VIT: variants seen among roughly 807,000 people sequenced by gnomAD.
VIT encodes the protein vitrin.
Under a neutral mutation model 78.0 loss-of-function variants are expected in VIT, and 99 were observed. The ratio of observed to expected loss-of-function variants is 1.27; its 90% CI spans 1.08 to 1.50. The LOEUF is 1.50. VIT is among the 40% of genes most tolerant of loss of function. VIT has a pLI of 0.00. For missense variants in VIT, 1,126 were observed against 875.3 expected, an observed-to-expected ratio of 1.29 and a Z score of -3.61; for synonymous variants, 374 against 334.3, an observed-to-expected ratio of 1.12 and a Z score of -1.29.
chr2:36,803,629 C>T (rs1025126865), intron 13 of VIT, among the ~76,000 whole-genome samples: 3 of 152,198 alleles, frequency 2.0e-5, no homozygotes, highest in African/African-American at 7.2e-5. Flanking sequence ...GGGTTCTGTG[C>T]AGCCAGTTCA....
At chr2:36,718,254 A>G (rs1471642475) in intron 2 of VIT, among the ~76,000 whole-genome samples, 2 of 152,168 alleles carry the variant, frequency 1.3e-5, no homozygotes, top group African/African-American at 4.8e-5. Flanking sequence ...GAGAGTGCTT[A>G]AGGTCTGTTC....
At chr2:36,780,748 C>G (rs576432800) in intron 9 of VIT, among the ~76,000 whole-genome samples, 3 of 151,540 alleles carry the variant, frequency 2.0e-5, no homozygotes, top group East Asian at 2.0e-4. Flanking sequence ...AAGCTGATAG[C>G]CTTTAAGAAA....
intron 3 of VIT, among the ~76,000 whole-genome samples, chr2:36,738,445 G>A (rs962756177): frequency 6.6e-6 from 1 of 152,062 alleles, no homozygotes; most frequent in Non-Finnish European, 1.5e-5. Flanking sequence ...AGGGTCCTTT[G>A]TAAACTAAAA....
chr2:36,739,904 G>A (rs11124536), intron 3 of VIT, among the ~76,000 whole-genome samples: 117,845 of 152,108 alleles, frequency 0.77, 46,432 homozygotes, highest in East Asian at 0.98. Flanking sequence ...CGGAAGGAAT[G>A]GAAGAGGCTT....
chr2:36,811,706 CT>C (rs1667184923), intron 15 of VIT, among the ~76,000 whole-genome samples: 1 of 145,964 alleles, frequency 6.9e-6, no homozygotes, highest in African/African-American at 2.6e-5. Flanking sequence ...GAGTTTCGCT[CT>C]GGTTGCCCAG....
chr2:36,765,642 T>C (rs11894448), intron 6 of VIT, among the ~76,000 whole-genome samples: 30,787 of 152,142 alleles, frequency 0.2, 3,234 homozygotes, highest in African/African-American at 0.22. Context: ...AGAGGTCATA[T>C]GACGACGGAG....
At chr2:36,786,340 G>T (rs1018060581) in intron 11 of VIT, among the ~76,000 whole-genome samples, 1 of 152,104 alleles carries the variant, frequency 6.6e-6, no homozygotes, top group Non-Finnish European at 1.5e-5. Flanking sequence ...TATCATTCCT[G>T]TCTACCGCAA....
intron 5 of VIT, 88 bp from the exon 6 acceptor site, chr2:36,758,881 T>C (rs1668930012): frequency 5.3e-6 from 6 of 1,142,180 alleles, no homozygotes; most frequent in Non-Finnish European, 7.7e-6. Flanking sequence ...GAGAGATAAA[T>C]TGAAAGGACA....
chr2:36,763,139 C>A (rs903579918), intron 6 of VIT, among the ~76,000 whole-genome samples: 2 of 152,194 alleles, frequency 1.3e-5, no homozygotes, highest in African/African-American at 4.8e-5. Flanking sequence ...TCTGCTGAGT[C>A]CCCCGCTGTG....
intron 9 of VIT, among the ~76,000 whole-genome samples, chr2:36,777,079 ACT>A (rs1304839383): frequency 1.3e-5 from 2 of 149,160 alleles, no homozygotes; most frequent in Non-Finnish European, 3.0e-5. Context: ...ACAGAGCGAG[ACT>A]CTGTCTCAAA....
At chr2:36,806,012 A>ACG (rs1456529138) in intron 14 of VIT, among the ~76,000 whole-genome samples, 2 of 151,706 alleles carry the variant, frequency 1.3e-5, no homozygotes, top group East Asian at 3.9e-4. Context: ...ACACACACAC[A>ACG]CGCACACACA....
intron 8 of VIT, 82 bp from the exon 9 acceptor site, chr2:36,774,920 A>C: frequency 6.3e-7 from 1 of 1,588,320 alleles, no homozygotes; most frequent in Non-Finnish European, 8.6e-7. Context: ...GAACTAAGGT[A>C]ATTTTCACCG....
At chr2:36,790,650 G>A (rs1665425764) in intron 12 of VIT, among the ~76,000 whole-genome samples, 1 of 152,104 alleles carries the variant, frequency 6.6e-6, no homozygotes, top group Admixed American at 6.5e-5. Context: ...GCATGACTGG[G>A]GCAGAGGACA....
At chr2:36,721,081 T>G (rs1666478879) in intron 2 of VIT, among the ~76,000 whole-genome samples, 1 of 151,960 alleles carries the variant, frequency 6.6e-6, no homozygotes, top group South Asian at 2.1e-4. Context: ...TACAGCACAG[T>G]GACTACAGCT....
intron 10 of VIT, 53 bp downstream of exon 10, chr2:36,781,824 A>G (rs1384540751): frequency 3.1e-6 from 5 of 1,600,240 alleles, no homozygotes; most frequent in Non-Finnish European, 4.3e-6. Context: ...TGCGCAGGAT[A>G]GCAGAACTAA....
In VIT at chr2:36,808,474, C is replaced by G. The variant is rs199824908; in HGVS notation, c.1392C>G (p.Ala464=). 1 of 1,602,770 alleles carries G rather than the reference C, an allele frequency of 6.2e-7. No individual in the cohort carries two copies. The highest frequency in any genetic ancestry group is 8.5e-7 in the Non-Finnish European group (1 of 1,171,654). ...YVVEPNFANK[A]VCRTNGFYSL... ...GGTCCCTCCCCTCTGTCTTCTAGGCCGTGTGCAGAACAAACGGCTTCTACT... is the reference window on the plus strand; with the variant it reads ...GGTCCCTCCCCTCTGTCTTCTAGGCGGTGTGCAGAACAAACGGCTTCTACT... The change falls in exon 15 of 16, where the codon GCC becomes GCG. Residue 464 remains alanine (A), a splice_region_variant and synonymous_variant. Transcript: ENST00000379242.
intron 1 of VIT, among the ~76,000 whole-genome samples, chr2:36,708,485 G>A (rs1048003359): frequency 2.6e-5 from 4 of 152,110 alleles, no homozygotes; most frequent in African/African-American, 9.7e-5. Flanking sequence ...CCTCTAGGGG[G>A]CTTATTAAAA....
intron 9 of VIT, among the ~76,000 whole-genome samples, chr2:36,777,900 G>A (rs925535790): frequency 6.6e-6 from 1 of 152,020 alleles, no homozygotes; most frequent in African/African-American, 2.4e-5. Context: ...CGAATCCTGC[G>A]ATCCGCACTA....
intron 14 of VIT, among the ~76,000 whole-genome samples, chr2:36,806,333 C>A (rs1358626305): frequency 6.6e-6 from 1 of 152,260 alleles, no homozygotes; most frequent in African/African-American, 2.4e-5. Flanking sequence ...CTACAGCCAG[C>A]AGGGCTCAAC....
Sources: allele counts gnomAD v4.1 joint callset (sites outside exome capture counted in the v4.1 genomes callset), GRCh38; gene constraint gnomAD v4.1.1; transcripts MANE v1.5; gene names NCBI Gene and HGNC (gene_info 2026-07-23, HGNC 2026-07-21).